Variants in LDB3 observed in about 807,000 individuals in gnomAD.
LDB3 encodes the protein LIM domain-binding protein 3.
LDB3 carries 49 observed loss-of-function variants against 69.0 expected under a neutral mutation model. The ratio of observed to expected loss-of-function variants is 0.71; its 90% CI spans 0.56 to 0.90. The LOEUF (loss-of-function observed/expected upper bound fraction) is 0.90, where lower values mean the gene tolerates loss of function less well. Among genes scored for constraint, LDB3 ranks in the 40% least tolerant of loss-of-function variants. The probability of loss-of-function intolerance (pLI) is 0.00; values close to 1 mark genes in which losing one functional copy is unlikely to be tolerated. For missense variants in LDB3, 928 were observed against 974.1 expected (o/e 0.95, Z 0.63); for synonymous variants, 387 against 396.2 (o/e 0.98, Z 0.28).
chr10:86,692,913 T>TGCCC (rs1845834835), intron 7 of LDB3, among the ~76,000 whole-genome samples: 1 of 152,192 alleles, frequency 6.6e-6, no homozygotes, highest in Non-Finnish European at 1.5e-5. Flanking sequence ...CTGGCCAACT[T>TGCCC]GCCCACCCAC....
In LDB3 at chr10:86,685,844, G is replaced by A. The variant is rs73344165; in HGVS notation, c.689+4041G>A. The A allele has an allele frequency of 1.3e-3, 1,317 of 991,700 alleles. 10 individuals are homozygous for A. The African/African-American group carries it at 0.018, about 14-fold the overall frequency. 61.4% of individuals were successfully genotyped at this position (991,700 alleles called of 1,614,324 possible). ...TGAGTGGGGTACACTTGTACCCCTG[G>A]GTGAGCCTGCATGTGTGAAGCTGGA... On this transcript the variant is annotated intron_variant, in intron 5 of 13. Coordinates refer to ENST00000361373, the MANE Select transcript of LDB3 (RefSeq NM_007078.3).
intron 12 of LDB3, among the ~76,000 whole-genome samples, chr10:86,725,217 C>T (rs911850593): frequency 6.6e-6 from 1 of 152,226 alleles, no homozygotes; most frequent in African/African-American, 2.4e-5. Flanking sequence ...ACTGTAGCCC[C>T]TTTGGGCCTA....
chr10:86,727,486 T>C (rs1306664199), intron 13 of LDB3, among the ~76,000 whole-genome samples: 3 of 152,246 alleles, frequency 2.0e-5, no homozygotes, highest in African/African-American at 7.2e-5. Context: ...CATATACTTT[T>C]GGTTCCACAC....
chr10:86,726,727 T>C (rs1204960901), intron 13 of LDB3, among the ~76,000 whole-genome samples: 2 of 152,226 alleles, frequency 1.3e-5, no homozygotes, highest in Non-Finnish European at 2.9e-5. Flanking sequence ...GTAGCACCTT[T>C]GGAAAGCAAG....
At chr10:86,693,287 G>A (rs573404365) in intron 7 of LDB3, among the ~76,000 whole-genome samples, 2 of 152,322 alleles carry the variant, frequency 1.3e-5, no homozygotes, top group South Asian at 2.1e-4. Context: ...GCCTTCCATG[G>A]TAAGGAGTAG....
chr10:86,677,137 G>A (rs1466815383), intron 2 of LDB3, among the ~76,000 whole-genome samples: 2 of 152,204 alleles, frequency 1.3e-5, no homozygotes, highest in African/African-American at 2.4e-5. Context: ...GGTGGGGTCC[G>A]GAGCCTCCTC....
chr10:86,713,617 A>C (rs1019783601), intron 9 of LDB3, among the ~76,000 whole-genome samples: 5 of 152,150 alleles, frequency 3.3e-5, no homozygotes, highest in Admixed American at 2.0e-4. Context: ...GAACCCCCTT[A>C]TATATAACAG....
chr10:86,718,772 G>T lies in LDB3; in HGVS notation c.1903G>T (p.Val635Phe), dbSNP rs45618633. The T allele has an allele frequency of 3.7e-6, 6 of 1,613,994 alleles. No homozygotes were observed. Among genetic ancestry groups the T allele is most frequent in the Middle Eastern group, 1.6e-4 (1 of 6,084 alleles). ...ACAGACATGGCACACCACCTGCTTC[G>T]TCTGTGCGGCCTGCAAGAAGCCTTT... ...LRQTWHTTCF[V>F]CAACKKPFGN... Residue 635 changes from valine to phenylalanine, a missense_variant, in exon 12 of 14, where the codon GTC becomes TTC. Coordinates refer to ENST00000361373, the MANE Select transcript of LDB3 (RefSeq NM_007078.3).
At position 86,699,668 on chromosome 10, in the gene LDB3, G is replaced by A; in HGVS notation, c.897-6863G>A. 7.9e-7 allele frequency: 1 copy of A among 1,262,460 alleles called. No homozygotes were observed. The highest frequency in any genetic ancestry group is 3.9e-5 in the East Asian group (1 of 25,670). 78.2% of individuals were successfully genotyped at this position (1,262,460 alleles called of 1,614,324 possible). ...TGCACAGGGCCTTAGCTGTAGACCA[G>A]AGAGGGCAGGAGGGGTTTGCTGGCA... is the stretch of plus-strand genomic sequence containing the variant. On this transcript the variant is annotated intron_variant, in intron 7 of 13. Coordinates refer to ENST00000361373, the MANE Select transcript of LDB3 (RefSeq NM_007078.3). The surrounding 1 kb of genome is among the most constrained non-coding windows in gnomAD (Gnocchi z 4.9).
At chr10:86,691,020 T>G (rs1010970646) in intron 5 of LDB3, among the ~76,000 whole-genome samples, 2 of 152,206 alleles carry the variant, frequency 1.3e-5, no homozygotes, top group Non-Finnish European at 2.9e-5. Context: ...CTGGGCGGCT[T>G]GGTCCTCTGG....
intron 13 of LDB3, among the ~76,000 whole-genome samples, chr10:86,729,249 G>A (rs1847374867): frequency 6.6e-6 from 1 of 152,218 alleles, no homozygotes; most frequent in African/African-American, 2.4e-5. Context: ...AAGTAGAACA[G>A]GACAGTATCC....
intron 7 of LDB3, among the ~76,000 whole-genome samples, chr10:86,697,549 C>CTTTTTTTTTT (rs71019409): frequency 3.6e-5 from 3 of 83,942 alleles, no homozygotes; most frequent in Admixed American, 1.4e-4. Flanking sequence ...TTCTTTCTTT[C>CTTTTTTTTTT]TTTTTTTTTT....
rs1844982244 is a variant in LDB3 at position 86,679,371 on chromosome 10, C to T, written c.98C>T (p.Thr33Ile). ...FNMPLTISRI[T>I]PGSKAAQSQL... ...CCACCTCCACTATCCAATCAGATCA[C>T]ACCAGGCAGCAAGGCAGCCCAGTCC... The change falls in exon 3 of 14, where the codon ACA (threonine) becomes ATA (isoleucine). Residue 33 changes from threonine (T) to isoleucine (I), a missense_variant. Transcript: ENST00000361373. 1 of 1,614,066 alleles carries T rather than the reference C, an allele frequency of 6.2e-7. No homozygotes were observed. The highest frequency in any genetic ancestry group is 1.7e-5 in the Admixed American group (1 of 60,004).
At chr10:86,706,778 C>A in intron 8 of LDB3, 59 bp downstream of exon 8, 1 of 1,535,060 alleles carries the variant, frequency 6.5e-7, no homozygotes, top group Non-Finnish European at 8.8e-7. Flanking sequence ...AAACGCCCCA[C>A]TCTGGGTCTA....
rs112448389 is a variant in LDB3 at position 86,679,519 on chromosome 10, G to A, written c.245+1G>A. 3.1e-6 allele frequency: 5 copies of A among 1,613,684 alleles called. No individual in the cohort carries two copies. On this transcript the variant is annotated splice_donor_variant, in intron 3 of 13. Coordinates refer to ENST00000361373, the MANE Select transcript of LDB3 (RefSeq NM_007078.3). LOFTEE classifies it high-confidence loss of function. The stretch of plus-strand genomic sequence containing the variant: ...ACAACTTGAGCCTCACCCTGCAGAA[G>A]TAGGTGGGAGCTCTCCAGAGCAGGG...
At chr10:86,728,763 G>A (rs576704327) in intron 13 of LDB3, among the ~76,000 whole-genome samples, 32 of 151,888 alleles carry the variant, frequency 2.1e-4, no homozygotes, top group African/African-American at 7.0e-4. Context: ...TGTATTTTTA[G>A]TAGAGACGGG....
intron 13 of LDB3, among the ~76,000 whole-genome samples, chr10:86,728,006 T>C (rs1348966788): frequency 6.6e-6 from 1 of 152,142 alleles, no homozygotes; most frequent in Non-Finnish European, 1.5e-5. Context: ...GATTCTCTAG[T>C]TGTCTTTTAG....
At chr10:86,706,482 G>C in intron 7 of LDB3, 49 bp from the exon 8 acceptor site, 1 of 1,599,882 alleles carries the variant, frequency 6.3e-7, no homozygotes, top group Non-Finnish European at 8.5e-7. Flanking sequence ...GGCCTCACAG[G>C]GTCTCTAGGC....
At chr10:86,705,110 G>C (rs186826083) in intron 7 of LDB3, among the ~76,000 whole-genome samples, 58 of 152,328 alleles carry the variant, frequency 3.8e-4, no homozygotes, top group African/African-American at 1.3e-3. Context: ...ATTGGGGAAA[G>C]AGTCTACTTG....
Sources: gnomAD v4.1 joint callset for allele counts (sites outside exome capture counted in the v4.1 genomes callset) on GRCh38, gnomAD v4.1.1 for gene constraint, Gnocchi (gnomAD v3.1) non-coding constraint, MANE v1.5 for transcripts, NCBI Gene and HGNC (gene_info 2026-07-23, HGNC 2026-07-21) for gene names.